ACAD11: variants seen among roughly 807,000 people sequenced by gnomAD.
ACAD11 encodes acyl-Coenzyme A dehydrogenase family, member 11.
Under a neutral mutation model 102.2 loss-of-function variants are expected in ACAD11, and 83 were observed. The ratio of observed to expected loss-of-function variants is 0.81; its 90% CI spans 0.68 to 0.97. The LOEUF (loss-of-function observed/expected upper bound fraction) is 0.97, where lower values mean the gene tolerates loss of function less well. ACAD11 is among the 50% of genes least tolerant of loss of function. The pLI is 0.00. For synonymous variants in ACAD11, 324 were observed against 319.8 expected (o/e 1.01, Z -0.14); for missense variants, 901 against 951.7 (o/e 0.95, Z 0.70).
chr3:132,560,069 G>T, intron 18 of ACAD11, 127 bp from the exon 19 acceptor site: 1 of 682,106 alleles, frequency 1.5e-6, no homozygotes, highest in Non-Finnish European at 2.5e-6. Context: ...TTTAACAAAA[G>T]CCAACAAAGA....
At chr3:132,624,048 C>T (rs1939708213) in intron 9 of ACAD11, among the ~76,000 whole-genome samples, 2 of 133,516 alleles carry the variant, frequency 1.5e-5, no homozygotes, top group South Asian at 5.3e-4. Flanking sequence ...GGTGCAGGTG[C>T]TCACACCTGT....
At chr3:132,597,389 T>G (rs1938362340) in intron 13 of ACAD11, 1 of 151,920 alleles carries the variant, frequency 6.6e-6, no homozygotes, top group Non-Finnish European at 1.5e-5. Flanking sequence ...ATCTTGTATA[T>G]TTACTTATAT....
chr3:132,599,717 T>C (rs1455031879), intron 13 of ACAD11, among the ~76,000 whole-genome samples: 2 of 152,006 alleles, frequency 1.3e-5, no homozygotes, highest in African/African-American at 4.8e-5. Flanking sequence ...TGAAGCAGGC[T>C]TACAGCTTAG....
At position 132,642,054 on chromosome 3, in the gene ACAD11, G is replaced by A. The variant is rs760498445; in HGVS notation, c.455C>T (p.Thr152Ile). 1.9e-6 allele frequency: 3 copies of A among 1,613,942 alleles called. No homozygotes were observed. In the Admixed American group the frequency reaches 5.0e-5, roughly 27 times the overall value. ...RSAIYVATVE[T>I]LAQLHSLNIQ... ...ATTCAAGGAATGTAACTGAGCCAAT[G>A]TTTCTACCGTGGCCACATATATGGC... Residue 152 changes from threonine (T) to isoleucine (I), a missense_variant, in exon 4 of 20, where the codon ACA becomes ATA. By Grantham distance (89) the Thr-to-Ile change is moderately conservative (BLOSUM62 -1). Coordinates refer to ENST00000264990, the MANE Select transcript of ACAD11 (RefSeq NM_032169.5).
At chr3:132,571,605 G>A (rs1325611213) in intron 17 of ACAD11, among the ~76,000 whole-genome samples, 1 of 152,002 alleles carries the variant, frequency 6.6e-6, no homozygotes, top group Admixed American at 6.6e-5. Flanking sequence ...CATTGCGTAG[G>A]TTGTCTTCCA....
intron 1 of ACAD11, among the ~76,000 whole-genome samples, chr3:132,645,555 A>T (rs1226037297): frequency 6.6e-6 from 1 of 152,232 alleles, no homozygotes; most frequent in African/African-American, 2.4e-5. Flanking sequence ...TCCTTCACTT[A>T]TAATATGGGC....
intron 13 of ACAD11, among the ~76,000 whole-genome samples, chr3:132,599,855 G>A (rs1938489248): frequency 6.6e-6 from 1 of 152,054 alleles, no homozygotes; most frequent in South Asian, 2.1e-4. Context: ...TAGTGCAAAT[G>A]CTGAGAGAAT....
Position 132,573,086 on chromosome 3 carries a change from C to A in ACAD11, c.2001+2686G>T, listed in dbSNP as rs141793898. ...CTAATGCTCTCCCTCTCCTTGCCCC[C>A]ACCCTCCAACTGGCCCCGGTGTGTG... On this transcript the variant is annotated intron_variant, in intron 17 of 19. Transcript: ENST00000264990. Among the ~76,000 whole-genome samples the A allele has an allele frequency of 1.1e-3, 164 of 152,268 alleles. 1 individual carries two copies. The highest frequency in any genetic ancestry group is 3.8e-3 in the African/African-American group (156 of 41,560).
intron 5 of ACAD11, among the ~76,000 whole-genome samples, chr3:132,637,041 C>T (rs1214806181): frequency 6.6e-6 from 1 of 152,074 alleles, no homozygotes; most frequent in Non-Finnish European, 1.5e-5. Flanking sequence ...AATCATGTGG[C>T]ATAAAAATGT....
At chr3:132,615,803 A>G (rs77873255) in intron 11 of ACAD11, among the ~76,000 whole-genome samples, 4,231 of 152,312 alleles carry the variant, frequency 0.028, 63 homozygotes, top group Non-Finnish European at 0.03. Flanking sequence ...CCAGAACTTA[A>G]AGTATATAAA....
At chr3:132,598,476 TC>T (rs1331772307) in intron 13 of ACAD11, among the ~76,000 whole-genome samples, 1 of 152,272 alleles carries the variant, frequency 6.6e-6, no homozygotes, top group East Asian at 1.9e-4. Context: ...CAAACACAAA[TC>T]AAATAGGTCA....
chr3:132,567,313 G>A (rs1311217657), intron 17 of ACAD11, among the ~76,000 whole-genome samples: 1 of 152,002 alleles, frequency 6.6e-6, no homozygotes, highest in African/African-American at 2.4e-5. Flanking sequence ...GAAGTTAAAG[G>A]AACTTAAAGG....
intron 5 of ACAD11, among the ~76,000 whole-genome samples, chr3:132,635,530 C>A (rs543332256): frequency 1.3e-5 from 2 of 152,150 alleles, no homozygotes; most frequent in South Asian, 4.2e-4. Context: ...GTATTCAGAC[C>A]CTAGCTCTAC....
In ACAD11 at chr3:132,588,256, T is replaced by C. The variant is rs116413855; in HGVS notation, c.1622-8698A>G. Reference sequence around the variant, plus strand: ...AGGTATTTTGTAGCTTTTTAGCTGTTATCTGTGGGAAGGTTCATCTTAAGC... The same window carrying C: ...AGGTATTTTGTAGCTTTTTAGCTGTCATCTGTGGGAAGGTTCATCTTAAGC... On this transcript the variant is annotated intron_variant, in intron 13 of 19. Coordinates refer to ENST00000264990, the MANE Select transcript of ACAD11 (RefSeq NM_032169.5). Among the ~76,000 whole-genome samples the C allele has an allele frequency of 2.4e-3, 372 of 151,982 alleles. 2 individuals carry two copies. The highest frequency in any genetic ancestry group is 8.6e-3 in the African/African-American group (353 of 41,282).
At chr3:132,634,131 T>C (rs1940170163) in intron 5 of ACAD11, among the ~76,000 whole-genome samples, 1 of 152,090 alleles carries the variant, frequency 6.6e-6, no homozygotes, top group Non-Finnish European at 1.5e-5. Context: ...ACCTACAAAA[T>C]GGGAGAACAT....
chr3:132,624,148 A>C (rs529118419), intron 9 of ACAD11, among the ~76,000 whole-genome samples: 1 of 151,882 alleles, frequency 6.6e-6, no homozygotes, highest in Non-Finnish European at 1.5e-5. Context: ...CTACAAAAAA[A>C]TGTAAAATTT....
rs367724477 is a variant in ACAD11, at chr3:132,618,737, A to G, written c.1311T>C (p.Phe437=). The stretch of plus-strand genomic sequence containing the variant: ...GGCTGAGTCCGCTGACAGCTGGCAA[A>G]AACAAGTTCCAGAGACCCTCGACTT... ...MAKVEGLWNL[F]LPAVSGLSHV... Residue 437 remains phenylalanine (F), a synonymous_variant, in exon 11 of 20, where the codon TTT becomes TTC. Transcript: ENST00000264990. 6.3e-7 allele frequency: 1 copy of G among 1,598,924 alleles called. No homozygotes were observed. The highest frequency in any genetic ancestry group is 1.4e-5 in the African/African-American group (1 of 73,906).
At chr3:132,619,749 A>G (rs182718080) in intron 9 of ACAD11, among the ~76,000 whole-genome samples, 12 of 152,360 alleles carry the variant, frequency 7.9e-5, no homozygotes, top group Admixed American at 3.9e-4. Flanking sequence ...GTAGGCTACT[A>G]AAATCTTATA....
In ACAD11 at chr3:132,626,744, C is replaced by A; in HGVS notation, c.1144G>T (p.Val382Phe). Residue 382 changes from valine to phenylalanine, a missense_variant, in exon 9 of 20, where the codon GTT becomes TTT. Physicochemically the swap from Val to Phe is conservative, Grantham distance 50. Transcript: ENST00000264990. ...ATGAAATGCTTCACCTTAATAAGAA[C>A]TTCCTGACCTTTCCGAGTCTGTACA... ...LFVQTRKGQE[V>F]LIKVKHFMKQ... 1 of 1,613,840 alleles carries A rather than the reference C, an allele frequency of 6.2e-7. No individual in the cohort carries two copies. The highest frequency in any genetic ancestry group is 8.5e-7 in the Non-Finnish European group (1 of 1,179,944).
Sources: allele counts gnomAD v4.1 joint callset (sites outside exome capture counted in the v4.1 genomes callset), GRCh38; gene constraint gnomAD v4.1.1; transcripts MANE v1.5; gene names NCBI Gene and HGNC (gene_info 2026-07-23, HGNC 2026-07-21).